LRP1B: variants seen among roughly 807,000 people sequenced by gnomAD.
The protein encoded by LRP1B is LDL receptor related protein 1B.
Under a neutral mutation model 556.6 loss-of-function variants are expected in LRP1B, and 217 were observed. The ratio of observed to expected loss-of-function variants is 0.39; its 90% CI spans 0.35 to 0.44. The LOEUF is 0.44. Among genes scored for constraint, LRP1B ranks in the 20% least tolerant of loss-of-function variants. The pLI, the probability that LRP1B is intolerant of heterozygous loss-of-function variation, is 1.00. For synonymous variants in LRP1B, 2,047 were observed against 1,865.8 expected (o/e 1.10, Z -2.50); for missense variants, 5,053 against 5,620.8 (o/e 0.90, Z 3.23).
At position 141,295,746 on chromosome 2, in the gene LRP1B, AACACACAC is replaced by A. The variant is rs376812743; in HGVS notation, c.344-41113_344-41106del. Among the ~76,000 whole-genome samples, 660 of 130,592 alleles carry A rather than the reference AACACACAC, an allele frequency of 5.1e-3. 8 individuals carry two copies. Among genetic ancestry groups the A allele is most frequent in the African/African-American group, 0.013 (470 of 34,876 alleles). 85.7% of individuals were successfully genotyped at this position (130,592 alleles called of 152,430 possible). On this transcript the variant is annotated intron_variant, in intron 3 of 90. Coordinates refer to ENST00000389484, the MANE Select transcript of LRP1B (RefSeq NM_018557.3). The stretch of plus-strand genomic sequence containing the variant: ...ACTCCAACTTTACTATGAGGAGAGA[AACACACAC>A]ACACACACACACACACACACACACA...
intron 35 of LRP1B, among the ~76,000 whole-genome samples, chr2:140,759,621 G>A (rs1688849711): frequency 6.6e-6 from 1 of 152,184 alleles, no homozygotes; most frequent in Non-Finnish European, 1.5e-5. Flanking sequence ...GAGCACCATT[G>A]CAAGCATAAA....
Position 142,032,419 on chromosome 2 carries a change from C to A in LRP1B, c.82+98229G>T, listed in dbSNP as rs188111256. 1.4e-3 allele frequency among the ~76,000 whole-genome samples: 207 copies of A among 151,924 alleles called. 2 individuals carry two copies. The highest frequency in any genetic ancestry group is 4.9e-3 in the African/African-American group (202 of 41,490). On this transcript the variant is annotated intron_variant, in intron 1 of 90. Coordinates refer to ENST00000389484, the MANE Select transcript of LRP1B (RefSeq NM_018557.3). The stretch of plus-strand genomic sequence containing the variant: ...TTAAACCACATCCCTCGGCTCCTAA[C>A]CATGCTCAAGTTTTTCCATATTTAG...
chr2:142,089,919 A>T (rs1028668914), intron 1 of LRP1B, among the ~76,000 whole-genome samples: 1 of 152,180 alleles, frequency 6.6e-6, no homozygotes, highest in African/African-American at 2.4e-5. Context: ...TTTTGGTTTT[A>T]TCTCTCATAG....
chr2:140,830,228 C>T (rs4954859), intron 31 of LRP1B, among the ~76,000 whole-genome samples: 125,006 of 152,042 alleles, frequency 0.82, 52,059 homozygotes, highest in East Asian at 0.99. Context: ...TTATAAAACT[C>T]GAAGTGGAGG....
intron 18 of LRP1B, 82 bp downstream of exon 18, chr2:140,982,078 A>G (rs1225907618): frequency 9.2e-7 from 1 of 1,089,698 alleles, no homozygotes; most frequent in Non-Finnish European, 1.4e-6. Flanking sequence ...AAAGAAATAA[A>G]TAGCCCTTTA....
At chr2:141,634,874 G>A (rs1471147473) in intron 2 of LRP1B, among the ~76,000 whole-genome samples, 1 of 151,912 alleles carries the variant, frequency 6.6e-6, no homozygotes, top group Non-Finnish European at 1.5e-5. Context: ...ATTGACAGTA[G>A]AGATATTCTA....
intron 79 of LRP1B, among the ~76,000 whole-genome samples, chr2:140,332,829 C>T (rs1215384589): frequency 6.6e-6 from 1 of 151,992 alleles, no homozygotes; most frequent in African/African-American, 2.4e-5. Flanking sequence ...GCCTAAGTAC[C>T]GTGCTACAGG....
intron 11 of LRP1B, among the ~76,000 whole-genome samples, chr2:141,024,321 T>G (rs539284000): frequency 6.6e-6 from 1 of 151,986 alleles, no homozygotes; most frequent in South Asian, 2.1e-4. Context: ...TCAAGGAGGG[T>G]GAATACACAA....
intron 3 of LRP1B, among the ~76,000 whole-genome samples, chr2:141,411,796 C>CTGA (rs1559055625): frequency 6.6e-6 from 1 of 151,828 alleles, no homozygotes; most frequent in Non-Finnish European, 1.5e-5. Flanking sequence ...AAATATTATT[C>CTGA]TAAATATGTC....
intron 66 of LRP1B, among the ~76,000 whole-genome samples, chr2:140,390,959 C>T (rs1573881081): frequency 6.6e-6 from 1 of 152,182 alleles, no homozygotes; most frequent in Admixed American, 6.5e-5. Context: ...AAGACCTAGC[C>T]TCTCTTGCTG....
At chr2:140,994,349 C>T (rs568122401) in intron 15 of LRP1B, among the ~76,000 whole-genome samples, 8 of 150,022 alleles carry the variant, frequency 5.3e-5, no homozygotes, top group South Asian at 4.2e-4. Context: ...TTCTAAAGGC[C>T]GAGTAATATT....
At chr2:140,244,227 C>A (rs1030210672) in intron 87 of LRP1B, among the ~76,000 whole-genome samples, 1 of 150,952 alleles carries the variant, frequency 6.6e-6, no homozygotes, top group Non-Finnish European at 1.5e-5. Context: ...ATTTATAATT[C>A]CTGGTATAAT....
intron 1 of LRP1B, among the ~76,000 whole-genome samples, chr2:141,910,762 T>C (rs1699888764): frequency 6.6e-6 from 1 of 152,132 alleles, no homozygotes; most frequent in South Asian, 2.1e-4. Context: ...CCTAAGTAGA[T>C]AATCGAAAGG....
chr2:140,260,085 C>T (rs566734936), intron 86 of LRP1B, among the ~76,000 whole-genome samples: 3 of 151,976 alleles, frequency 2.0e-5, no homozygotes, highest in South Asian at 4.1e-4. Flanking sequence ...GTGTTTGTTT[C>T]GAATGAAGAA....
intron 2 of LRP1B, among the ~76,000 whole-genome samples, chr2:141,690,551 G>T (rs959130867): frequency 1.3e-5 from 2 of 148,992 alleles, no homozygotes; most frequent in Non-Finnish European, 3.0e-5. Context: ...TACAGTTGGG[G>T]TCAACTGCAA....
At chr2:141,993,682 C>T (rs1440228671) in intron 1 of LRP1B, among the ~76,000 whole-genome samples, 2 of 152,050 alleles carry the variant, frequency 1.3e-5, no homozygotes, top group African/African-American at 4.8e-5. Context: ...GTGACTGGAC[C>T]ATTATAAAGT....
rs1020973400 is a variant in LRP1B at position 140,456,423 on chromosome 2, CTCTATAAT to C, written c.9963+24_9963+31del. ...AAAAGAGCTGATGTTTCACCATACACTCTATAATAAGATTCCCAGACCTCCACTCACCT... is the reference window on the plus strand; with the variant it reads ...AAAAGAGCTGATGTTTCACCATACACAAGATTCCCAGACCTCCACTCACCT... On this transcript the variant is annotated intron_variant, in intron 62 of 90. Transcript: ENST00000389484. 4 of 1,603,442 alleles carry C rather than the reference CTCTATAAT, an allele frequency of 2.5e-6. No homozygotes were observed. In the Admixed American group the frequency reaches 5.1e-5, roughly 20 times the overall value.
intron 1 of LRP1B, among the ~76,000 whole-genome samples, chr2:141,949,983 CA>C: frequency 6.6e-6 from 1 of 152,166 alleles, no homozygotes; most frequent in Non-Finnish European, 1.5e-5. Context: ...GTAAGCAAAA[CA>C]AACTTGGCTG....
At chr2:140,789,123 C>T (rs1124785) in intron 32 of LRP1B, among the ~76,000 whole-genome samples, 66,365 of 151,972 alleles carry the variant, frequency 0.44, 16,217 homozygotes, top group East Asian at 0.66. Flanking sequence ...TATCAACTTA[C>T]TTATTCAGGG....
Sources: gnomAD v4.1 joint callset for allele counts (sites outside exome capture counted in the v4.1 genomes callset) on GRCh38, gnomAD v4.1.1 for gene constraint, MANE v1.5 for transcripts, NCBI Gene and HGNC (gene_info 2026-07-23, HGNC 2026-07-21) for gene names.